The following TAFA1 variants were observed in gnomAD, a reference collection of about 807,000 sequenced individuals.
TAFA1 encodes the protein TAFA chemokine like family member 1.
In TAFA1, 4 loss-of-function variants were observed where a neutral mutation model predicts 18.5. The ratio of observed to expected loss-of-function variants is 0.22; its 90% CI spans 0.11 to 0.49. TAFA1 has a LOEUF of 0.49. Ranked by LOEUF, TAFA1 falls within the 20% of genes least tolerant of loss-of-function variation. TAFA1 has a pLI of 0.98. For missense variants in TAFA1, 147 were observed against 169.0 expected (o/e 0.87, Z 0.72); for synonymous variants, 56 against 55.2 (o/e 1.01, Z -0.06).
chr3:68,280,175 A>G (rs2067873010), intron 2 of TAFA1, among the ~76,000 whole-genome samples: 1 of 152,176 alleles, frequency 6.6e-6, no homozygotes, highest in South Asian at 2.1e-4. Context: ...AAAAGCTGTA[A>G]TCAAGCATAA....
At chr3:68,347,497 T>C (rs933334726) in intron 2 of TAFA1, among the ~76,000 whole-genome samples, 1 of 152,212 alleles carries the variant, frequency 6.6e-6, no homozygotes, top group African/African-American at 2.4e-5. Context: ...ATTTATTTAT[T>C]TCATAATGGA....
intron 2 of TAFA1, among the ~76,000 whole-genome samples, chr3:68,296,575 A>G (rs1575755927): frequency 3.3e-4 from 1 of 3,068 alleles, no homozygotes; most frequent in Non-Finnish European, 5.2e-4. Context: ...ATACTTACTC[A>G]AAAAAAAAAA....
Position 68,087,554 on chromosome 3 carries a change from C to T in TAFA1, c.118+80810C>T, listed in dbSNP as rs557152491. On this transcript the variant is annotated intron_variant, in intron 2 of 4. Transcript: ENST00000478136. ...TCCCTCCCTCCCTCCTTCCCTCCCT[C>T]CTTCCCTCCCTCCCTCCTTCCGTCC... Among the ~76,000 whole-genome samples the T allele has an allele frequency of 3.6e-3, 493 of 138,504 alleles. 1 individual carries two copies. The highest frequency in any genetic ancestry group is 5.8e-3 in the Non-Finnish European group (371 of 63,420). 90.9% of individuals were successfully genotyped at this position (138,504 alleles called of 152,430 possible). A position where few individuals can be genotyped will look rare whatever the true frequency, so the allele number is the denominator to read the frequency against.
intron 2 of TAFA1, among the ~76,000 whole-genome samples, chr3:68,074,263 A>G (rs2064797076): frequency 6.6e-6 from 1 of 152,166 alleles, no homozygotes; most frequent in Non-Finnish European, 1.5e-5. Context: ...GTAAATACAG[A>G]TGAAAATTCA....
chr3:68,310,733 T>C (rs1042871258), intron 2 of TAFA1, among the ~76,000 whole-genome samples: 2 of 152,204 alleles, frequency 1.3e-5, no homozygotes, highest in Non-Finnish European at 2.9e-5. Flanking sequence ...TCATGCTGTT[T>C]ATATTTGAAA....
At chr3:68,183,224 G>A (rs890781244) in intron 2 of TAFA1, among the ~76,000 whole-genome samples, 2 of 152,106 alleles carry the variant, frequency 1.3e-5, no homozygotes, top group African/African-American at 4.8e-5. Context: ...ACCACTTATT[G>A]TGCATCAAGT....
intron 2 of TAFA1, among the ~76,000 whole-genome samples, chr3:68,366,188 T>C (rs190627653): frequency 6.6e-6 from 1 of 151,436 alleles, no homozygotes; most frequent in Non-Finnish European, 1.5e-5. Flanking sequence ...TTATCTCCCA[T>C]GGGGTCCCTC....
intron 2 of TAFA1, among the ~76,000 whole-genome samples, chr3:68,184,576 A>G (rs1391232332): frequency 6.6e-6 from 1 of 152,128 alleles, no homozygotes; most frequent in African/African-American, 2.4e-5. Context: ...AATTTTTGGC[A>G]TGTCTCTTCT....
chr3:68,406,519 G>A (rs561686640), intron 2 of TAFA1, among the ~76,000 whole-genome samples: 1 of 152,120 alleles, frequency 6.6e-6, no homozygotes, highest in Non-Finnish European at 1.5e-5. Context: ...CTGTGATTCA[G>A]TTTCCAGAGA....
intron 2 of TAFA1, among the ~76,000 whole-genome samples, chr3:68,083,822 A>T (rs1378130718): frequency 2.6e-5 from 4 of 151,096 alleles, no homozygotes; most frequent in African/African-American, 9.8e-5. Flanking sequence ...TCAGCTTCGG[A>T]TTTTTCATGA....
At chr3:68,444,771 AATATATATATATAT>A (rs55684696) in intron 3 of TAFA1, among the ~76,000 whole-genome samples, 50,695 of 127,166 alleles carry the variant, frequency 0.4, 10,229 homozygotes, top group East Asian at 0.51. Flanking sequence ...GTTTCTACAA[AATATATATATATAT>A]ATATATATAT....
At chr3:68,089,037 G>A (rs537374600) in intron 2 of TAFA1, among the ~76,000 whole-genome samples, 1 of 152,276 alleles carries the variant, frequency 6.6e-6, no homozygotes, top group African/African-American at 2.4e-5. Context: ...GGAGTGTCCT[G>A]AGGTTTTCAT....
chr3:68,066,337 C>G (rs1005557445), intron 2 of TAFA1, among the ~76,000 whole-genome samples: 1 of 152,102 alleles, frequency 6.6e-6, no homozygotes, highest in Non-Finnish European at 1.5e-5. Flanking sequence ...GTGCTATATT[C>G]CAGCTTCTAG....
intron 2 of TAFA1, among the ~76,000 whole-genome samples, chr3:68,256,012 A>G (rs995180501): frequency 2.0e-4 from 30 of 152,126 alleles, no homozygotes; most frequent in African/African-American, 7.2e-4. Flanking sequence ...CTGCTAGAGT[A>G]TTTATCTTTG....
intron 2 of TAFA1, among the ~76,000 whole-genome samples, chr3:68,190,140 AT>A (rs143893935): frequency 0.033 from 5,061 of 152,010 alleles, 249 homozygotes; most frequent in African/African-American, 0.11. Flanking sequence ...ATACTAACGA[AT>A]TCTAACATTT....
chr3:68,080,576 A>T lies in TAFA1; in HGVS notation c.118+73832A>T, dbSNP rs1041910143. On this transcript the variant is annotated intron_variant, in intron 2 of 4. Coordinates refer to ENST00000478136, the MANE Select transcript of TAFA1 (RefSeq NM_213609.4). ...TTTATTTCTCCTTTGCTTATGAAGC[A>T]TAGTTTGGCTGGATATGAAATTCTG... Among the ~76,000 whole-genome samples the T allele has an allele frequency of 7.2e-5, 11 of 152,130 alleles. No homozygotes were observed. The South Asian group carries it at 8.3e-4, about 11-fold the overall frequency.
chr3:68,270,313 G>A (rs968615475), intron 2 of TAFA1, among the ~76,000 whole-genome samples: 1 of 152,072 alleles, frequency 6.6e-6, no homozygotes, highest in African/African-American at 2.4e-5. Context: ...GAACATGGGG[G>A]TTTATAAATG....
At chr3:68,020,744 G>T (rs868418609) in intron 2 of TAFA1, among the ~76,000 whole-genome samples, 6 of 152,144 alleles carry the variant, frequency 3.9e-5, no homozygotes, top group Non-Finnish European at 7.4e-5. Context: ...ACATGATATA[G>T]ATTTTTATGG....
At chr3:68,246,732 C>G (rs2067088909) in intron 2 of TAFA1, 1 of 151,234 alleles carries the variant, frequency 6.6e-6, no homozygotes, top group Non-Finnish European at 1.5e-5. Context: ...CTAAGAATAT[C>G]GCTTCTGTTG....
Sources: gnomAD v4.1 joint callset for allele counts (sites outside exome capture counted in the v4.1 genomes callset) on GRCh38, gnomAD v4.1.1 for gene constraint, MANE v1.5 for transcripts, NCBI Gene and HGNC (gene_info 2026-07-23, HGNC 2026-07-21) for gene names.